The following PKHD1 variants were observed in gnomAD, a reference collection of about 807,000 sequenced individuals.
PKHD1 encodes the protein fibrocystin.
In PKHD1, 291 loss-of-function variants were observed where a neutral mutation model predicts 412.0. The ratio of observed to expected loss-of-function variants is 0.71; its 90% confidence interval spans 0.64 to 0.78. The LOEUF (loss-of-function observed/expected upper bound fraction) is 0.78, where lower values mean the gene tolerates loss of function less well. Ranked by LOEUF, PKHD1 falls within the 30% of genes least tolerant of loss-of-function variation. PKHD1 has a pLI of 0.00. For synonymous variants in PKHD1, 1,777 were observed against 1,821.5 expected (o/e 0.98, Z 0.62); for missense variants, 4,825 against 4,950.7 (o/e 0.97, Z 0.76).
At chr6:51,981,387 T>C (rs1362258102) in intron 35 of PKHD1, among the ~76,000 whole-genome samples, 13 of 95,890 alleles carry the variant, frequency 1.4e-4, no homozygotes, top group African/African-American at 4.3e-4. Flanking sequence ...GGTCTCCCTC[T>C]GATGCCGAGC....
chr6:51,744,308 C>A, intron 60 of PKHD1, 77 bp downstream of exon 60: 1 of 1,259,490 alleles, frequency 7.9e-7, no homozygotes, highest in Non-Finnish European at 1.2e-6. Flanking sequence ...ATTTCATTCT[C>A]AGTGAGCACA....
intron 22 of PKHD1, among the ~76,000 whole-genome samples, chr6:52,049,462 G>C (rs1474544569): frequency 1.3e-5 from 2 of 152,102 alleles, no homozygotes; most frequent in South Asian, 4.1e-4. Flanking sequence ...TATATACACT[G>C]TGAATATATA....
chr6:51,665,459 C>T (rs1773585970), intron 60 of PKHD1, among the ~76,000 whole-genome samples: 1 of 152,100 alleles, frequency 6.6e-6, no homozygotes, highest in Non-Finnish European at 1.5e-5. Flanking sequence ...AAAAACCCCA[C>T]AAATTAAATA....
chr6:51,968,400 T>C (rs1165440878), intron 35 of PKHD1, among the ~76,000 whole-genome samples: 1 of 152,170 alleles, frequency 6.6e-6, no homozygotes, highest in Admixed American at 6.6e-5. Context: ...TTTTCTTCTT[T>C]TCCTGCCTCT....
intron 65 of PKHD1, among the ~76,000 whole-genome samples, chr6:51,628,073 T>C (rs1003634407): frequency 6.6e-6 from 1 of 152,134 alleles, no homozygotes; most frequent in Non-Finnish European, 1.5e-5. Context: ...CCTTTTCTTT[T>C]TCTTTTTCAA....
chr6:51,657,932 C>T (rs1298828434), intron 61 of PKHD1, among the ~76,000 whole-genome samples: 2 of 152,088 alleles, frequency 1.3e-5, no homozygotes, highest in African/African-American at 2.4e-5. Context: ...AATAAACTGA[C>T]TCTCTTTCTC....
chr6:51,826,222 A>G (rs1318074074), intron 52 of PKHD1, among the ~76,000 whole-genome samples: 1 of 152,192 alleles, frequency 6.6e-6, no homozygotes, highest in Admixed American at 6.6e-5. Flanking sequence ...CACGACTTTG[A>G]TAAGCTTCTC....
At chr6:51,737,540 T>G (rs905423155) in intron 60 of PKHD1, among the ~76,000 whole-genome samples, 1 of 152,238 alleles carries the variant, frequency 6.6e-6, no homozygotes, top group African/African-American at 2.4e-5. Context: ...TATGTTTATA[T>G]CTGTTGGTAT....
At chr6:52,079,723 C>A (rs1246073446) in intron 5 of PKHD1, among the ~76,000 whole-genome samples, 177 bp downstream of exon 5, 1 of 152,312 alleles carries the variant, frequency 6.6e-6, no homozygotes, top group South Asian at 2.1e-4. Context: ...GGCTGACATA[C>A]AAACGTTCAA....
At chr6:51,955,051 A>G (rs1211066772) in intron 36 of PKHD1, among the ~76,000 whole-genome samples, 2 of 152,086 alleles carry the variant, frequency 1.3e-5, no homozygotes, top group African/African-American at 4.8e-5. Flanking sequence ...TAATTCAGCA[A>G]TGCCTATGGC....
chr6:52,063,795 G>A (rs998573608), intron 13 of PKHD1, among the ~76,000 whole-genome samples: 4 of 152,280 alleles, frequency 2.6e-5, no homozygotes, highest in Admixed American at 2.6e-4. Context: ...CATTGCCCCT[G>A]GTTGAGAACA....
At chr6:51,707,748 C>G (rs1780182901) in intron 60 of PKHD1, among the ~76,000 whole-genome samples, 1 of 152,170 alleles carries the variant, frequency 6.6e-6, no homozygotes, top group Non-Finnish European at 1.5e-5. Flanking sequence ...TCTATATTAT[C>G]AGATCCAATA....
chr6:52,025,522 T>G lies in PKHD1; in HGVS notation c.4288A>C (p.Thr1430Pro). ...SVRVDLSGPFTCVILSLGDHT... is the reference protein window; with the variant it reads ...SVRVDLSGPFPCVILSLGDHT... ...TCTCCCAAACTCAAAATCACACAAG[T>G]AAAAGGACCCGAGAGGTCAACCCGA... Residue 1430 changes from threonine (T) to proline (P), a missense_variant, in exon 32 of 67, where the codon ACT (threonine) becomes CCT (proline). Coordinates refer to ENST00000371117, the MANE Select transcript of PKHD1 (RefSeq NM_138694.4). The G allele has an allele frequency of 1.2e-6, 2 of 1,613,892 alleles. No individual in the cohort carries two copies. The highest frequency in any genetic ancestry group is 1.7e-6 in the Non-Finnish European group (2 of 1,179,888).
chr6:52,006,792 C>A (rs2499487), intron 35 of PKHD1, among the ~76,000 whole-genome samples: 3 of 151,974 alleles, frequency 2.0e-5, no homozygotes, highest in Admixed American at 1.3e-4. Flanking sequence ...CATCCATCAC[C>A]GGAGCAGTAT....
In PKHD1 at chr6:52,026,075, C is replaced by T. The variant is rs150985194; in HGVS notation, c.3735G>A (p.Ala1245=). The T allele has an allele frequency of 1.9e-5, 30 of 1,614,008 alleles. No homozygotes were observed. Among genetic ancestry groups the T allele is most frequent in the East Asian group, 4.5e-5 (2 of 44,892 alleles). ...RSCDIVNLTE[A]SIWCETLPAP... ...CTGGCAGGGTTTCACACCAGATGCT[C>T]GCCTCCGTTAAGTTCACAATGTCAC... The change falls in exon 32 of 67, where the codon GCG becomes GCA. Residue 1245 remains alanine (A), a synonymous_variant. Transcript: ENST00000371117.
Position 52,082,285 on chromosome 6 carries a change from T to C in PKHD1, c.281+107A>G, listed in dbSNP as rs1812154038. 2.6e-5 allele frequency: 29 copies of C among 1,097,902 alleles called. No individual in the cohort carries two copies. In the South Asian group the frequency reaches 3.5e-4, roughly 13 times the overall value. 68.0% of individuals were successfully genotyped at this position (1,097,902 alleles called of 1,614,324 possible). On this transcript the variant is annotated intron_variant, in intron 4 of 66. Coordinates refer to ENST00000371117, the MANE Select transcript of PKHD1 (RefSeq NM_138694.4). ...TGAAACTTTTTTTAACAACTATGGC[T>C]GGCAATTGAATCACAGCAAAAATTG...
intron 60 of PKHD1, among the ~76,000 whole-genome samples, chr6:51,662,777 T>C (rs1313928284): frequency 2.6e-5 from 4 of 151,926 alleles, no homozygotes; most frequent in African/African-American, 9.7e-5. Flanking sequence ...AAAGAGAAAC[T>C]ATTACAAACA....
intron 4 of PKHD1, 141 bp downstream of exon 4, chr6:52,082,251 A>C: frequency 4.9e-6 from 4 of 820,254 alleles, no homozygotes; most frequent in Non-Finnish European, 8.3e-6. Flanking sequence ...TTTAGAAAGC[A>C]TATTCACATG....
chr6:51,864,791 CT>C lies in PKHD1; in HGVS notation c.7733+3071del, dbSNP rs1388079226. Among the ~76,000 whole-genome samples, 4 of 152,058 alleles carry C rather than the reference CT, an allele frequency of 2.6e-5. No individual in the cohort carries two copies. The South Asian group carries it at 6.2e-4, about 24-fold the overall frequency. Reference sequence around the variant, plus strand: ...ACAAATTATTGAGATATTTTACATTCTTTTTTTCATATTAAGTCTTATCTAT... The same window carrying C: ...ACAAATTATTGAGATATTTTACATTCTTTTTTCATATTAAGTCTTATCTAT... On this transcript the variant is annotated intron_variant, in intron 48 of 66. Transcript: ENST00000371117.
Sources: allele counts gnomAD v4.1 joint callset (sites outside exome capture counted in the v4.1 genomes callset), GRCh38; gene constraint gnomAD v4.1.1; transcripts MANE v1.5; gene names NCBI Gene and HGNC (gene_info 2026-07-23, HGNC 2026-07-21).